Variants in SPAG16 observed in about 807,000 individuals in gnomAD.
The protein encoded by SPAG16 is sperm-associated antigen 16 protein.
In SPAG16, 86 loss-of-function variants were observed where a neutral mutation model predicts 80.4. That is an observed-to-expected ratio of 1.07 (90% CI 0.90 to 1.28). The LOEUF (loss-of-function observed/expected upper bound fraction) is 1.28, where lower values mean the gene tolerates loss of function less well. Ranked by LOEUF, SPAG16 falls within the 50% of genes most tolerant of loss-of-function variation. The probability of loss-of-function intolerance (pLI) is 0.00; values close to 1 mark genes in which losing one functional copy is unlikely to be tolerated. For synonymous variants in SPAG16, 294 were observed against 265.9 expected (o/e 1.11, Z -1.03); for missense variants, 870 against 765.3 (o/e 1.14, Z -1.61).
At chr2:213,347,254 T>C (rs1441389034) in intron 6 of SPAG16, among the ~76,000 whole-genome samples, 1 of 152,048 alleles carries the variant, frequency 6.6e-6, no homozygotes, top group Non-Finnish European at 1.5e-5. Context: ...TTTTTTATTG[T>C]GTCTATTTGA....
intron 15 of SPAG16, among the ~76,000 whole-genome samples, chr2:214,312,148 G>A (rs1695382393): frequency 6.6e-6 from 1 of 152,158 alleles, no homozygotes; most frequent in Admixed American, 6.6e-5. Context: ...AAATGATCGT[G>A]TTTAATGATA....
intron 10 of SPAG16, among the ~76,000 whole-genome samples, chr2:213,687,666 G>T (rs146860523): frequency 6.6e-6 from 1 of 151,774 alleles, no homozygotes; most frequent in South Asian, 2.1e-4. Flanking sequence ...ATGTTTTTTT[G>T]TCTGACCCCT....
intron 11 of SPAG16, among the ~76,000 whole-genome samples, chr2:213,896,440 G>T (rs2076992109): frequency 6.6e-6 from 1 of 151,692 alleles, no homozygotes; most frequent in Admixed American, 6.6e-5. Flanking sequence ...CCACTACTGG[G>T]TATATAATCA....
At chr2:213,669,766 AT>A (rs1384238407) in intron 10 of SPAG16, among the ~76,000 whole-genome samples, 1 of 152,116 alleles carries the variant, frequency 6.6e-6, no homozygotes, top group Non-Finnish European at 1.5e-5. Flanking sequence ...TTAGCACAGT[AT>A]TGTTCTCTGG....
At chr2:213,522,424 G>C (rs912929786) in intron 10 of SPAG16, among the ~76,000 whole-genome samples, 15 of 152,168 alleles carry the variant, frequency 9.9e-5, no homozygotes, top group South Asian at 6.2e-4. Context: ...ATTTAAAAAG[G>C]GGGGTGGGAA....
intron 10 of SPAG16, among the ~76,000 whole-genome samples, chr2:213,844,152 G>A (rs1378538185): frequency 2.0e-5 from 3 of 152,248 alleles, no homozygotes; most frequent in South Asian, 4.1e-4. Context: ...CTCAGCTTGC[G>A]TAAAGGTTTT....
At chr2:214,044,429 T>C (rs946430898) in intron 13 of SPAG16, among the ~76,000 whole-genome samples, 5 of 152,196 alleles carry the variant, frequency 3.3e-5, no homozygotes, top group African/African-American at 7.2e-5. Flanking sequence ...GACAACTTGA[T>C]AGATGGCTTT....
intron 11 of SPAG16, among the ~76,000 whole-genome samples, chr2:213,867,638 C>T (rs13388035): frequency 6.6e-6 from 1 of 151,994 alleles, no homozygotes; most frequent in African/African-American, 2.4e-5. Flanking sequence ...AAAAAGATAG[C>T]TCGGCCGTGT....
At chr2:214,137,594 A>G (rs1267407558) in intron 14 of SPAG16, among the ~76,000 whole-genome samples, 3 of 152,046 alleles carry the variant, frequency 2.0e-5, no homozygotes, top group African/African-American at 7.2e-5. Context: ...TTTGTGATAT[A>G]CTCTAGTAGT....
At chr2:213,453,433 T>C (rs2071818170) in intron 9 of SPAG16, among the ~76,000 whole-genome samples, 1 of 152,264 alleles carries the variant, frequency 6.6e-6, no homozygotes, top group Non-Finnish European at 1.5e-5. Flanking sequence ...ACACTGGATG[T>C]TCAGCACTTG....
intron 15 of SPAG16, among the ~76,000 whole-genome samples, chr2:214,227,979 T>G (rs1243138979): frequency 6.6e-6 from 1 of 151,876 alleles, no homozygotes; most frequent in East Asian, 1.9e-4. Flanking sequence ...AGATGGTTAT[T>G]TACAGTGTTT....
intron 11 of SPAG16, among the ~76,000 whole-genome samples, chr2:213,928,588 C>G (rs1051716357): frequency 6.6e-6 from 1 of 152,208 alleles, no homozygotes; most frequent in African/African-American, 2.4e-5. Context: ...ACTATTCCCT[C>G]TGTCAGAGAT....
At chr2:213,465,525 G>GGGA (rs952354407) in intron 9 of SPAG16, among the ~76,000 whole-genome samples, 4 of 152,186 alleles carry the variant, frequency 2.6e-5, no homozygotes, top group African/African-American at 9.7e-5. Flanking sequence ...TTCTCTGGGA[G>GGGA]GGAGGTGGCT....
intron 10 of SPAG16, among the ~76,000 whole-genome samples, chr2:213,601,266 A>C (rs2061050594): frequency 1.3e-5 from 2 of 152,230 alleles, no homozygotes; most frequent in South Asian, 4.1e-4. Flanking sequence ...AACTTTAACC[A>C]GAAAAGGGAA....
intron 12 of SPAG16, among the ~76,000 whole-genome samples, chr2:214,007,491 G>A (rs570226429): frequency 6.6e-6 from 1 of 152,036 alleles, no homozygotes; most frequent in African/African-American, 2.4e-5. Context: ...GTATGCAAAT[G>A]TTTCCATCTG....
At chr2:213,469,930 G>A (rs1324638015) in intron 9 of SPAG16, among the ~76,000 whole-genome samples, 1 of 152,086 alleles carries the variant, frequency 6.6e-6, no homozygotes, top group East Asian at 1.9e-4. Context: ...TCTCCTGGTG[G>A]AAGCATTCCC....
At chr2:213,948,587 A>G (rs561807160) in intron 12 of SPAG16, among the ~76,000 whole-genome samples, 1 of 152,216 alleles carries the variant, frequency 6.6e-6, no homozygotes, top group South Asian at 2.1e-4. Context: ...ACTAGCTTTT[A>G]TGAATAATTT....
chr2:214,149,273 T>A lies in SPAG16; in HGVS notation c.1720+7T>A, dbSNP rs1259701521. 6.5e-7 allele frequency: 1 copy of A among 1,550,032 alleles called. No individual in the cohort carries two copies. Among genetic ancestry groups the A allele is most frequent in the African/African-American group, 1.4e-5 (1 of 72,884 alleles). On this transcript the variant is annotated splice_region_variant and intron_variant, in intron 15 of 15. Coordinates refer to ENST00000331683, the MANE Select transcript of SPAG16 (RefSeq NM_024532.5). ...GTGAATTTTGATTCATCAGGTAGGATCATTTTTGTCTAATGTTTCTGACTA... is the reference window on the plus strand; with the variant it reads ...GTGAATTTTGATTCATCAGGTAGGAACATTTTTGTCTAATGTTTCTGACTA...
At chr2:213,289,077 G>A (rs979457518) in intron 1 of SPAG16, among the ~76,000 whole-genome samples, 13 of 152,164 alleles carry the variant, frequency 8.5e-5, no homozygotes, top group African/African-American at 3.1e-4. Context: ...TGACTCACCT[G>A]GGGAGCTTTA....
Sources: allele counts gnomAD v4.1 joint callset (sites outside exome capture counted in the v4.1 genomes callset), GRCh38; gene constraint gnomAD v4.1.1; transcripts MANE v1.5; gene names NCBI Gene and HGNC (gene_info 2026-07-23, HGNC 2026-07-21).